HEXA: variants seen among roughly 807,000 people sequenced by gnomAD.
HEXA encodes the protein hexosaminidase subunit alpha.
A neutral mutation model predicts 73.3 loss-of-function variants in HEXA; 54 were observed. The observed-to-expected ratio is 0.74, with a 90% CI of 0.59 to 0.92. HEXA has a LOEUF of 0.92. Among genes scored for constraint, HEXA ranks in the 40% least tolerant of loss-of-function variants. The probability of loss-of-function intolerance (pLI) is 0.00; values close to 1 mark genes in which losing one functional copy is unlikely to be tolerated. For missense variants in HEXA, 649 were observed against 653.0 expected (o/e 0.99, Z 0.07); for synonymous variants, 230 against 246.9 (o/e 0.93, Z 0.64).
At chr15:72,370,967 T>C (rs2088983968) in intron 1 of HEXA, among the ~76,000 whole-genome samples, 2 of 152,252 alleles carry the variant, frequency 1.3e-5, no homozygotes. Flanking sequence ...TCCCGTGTTG[T>C]TTTCTTCCTC....
intron 1 of HEXA, chr15:72,370,697 T>TAA (rs371092265): frequency 3.2e-5 from 11 of 339,582 alleles, no homozygotes; most frequent in African/African-American, 1.4e-4. Flanking sequence ...ACCTGTTTCT[T>TAA]AAAAAAAAAA....
chr15:72,357,930 T>A (rs1306160282), intron 1 of HEXA: 1 of 152,200 alleles, frequency 6.6e-6, no homozygotes, highest in Non-Finnish European at 1.5e-5. Flanking sequence ...GCCTACATTC[T>A]GCAAAGAGGA....
Position 72,355,589 on chromosome 15 carries a change from G to A in HEXA, c.382C>T (p.Leu128Phe), listed in dbSNP as rs1386300819. The change falls in exon 3 of 14, where the codon CTC (leucine) becomes TTC (phenylalanine). Residue 128 changes from leucine to phenylalanine, a missense_variant. Coordinates refer to ENST00000268097, the MANE Select transcript of HEXA (RefSeq NM_000520.6). ...AGAGCTCCCCAGACAGTCTCAGAGA[G>A]GAGTAAACACTGGTCATCATTTATG... ...LTINDDQCLL[L>F]SETVWGALRG... is the part of the protein sequence containing the mutation. 1 of 1,610,970 alleles carries A rather than the reference G, an allele frequency of 6.2e-7. No individual in the cohort carries two copies. The highest frequency in any genetic ancestry group is 1.3e-5 in the African/African-American group (1 of 74,820).
chr15:72,376,003 T>C lies in HEXA; in HGVS notation c.-31A>G. The C allele has an allele frequency of 6.2e-7, 1 of 1,609,008 alleles. No individual in the cohort carries two copies. Among genetic ancestry groups the C allele is most frequent in the Non-Finnish European group, 8.5e-7 (1 of 1,179,896 alleles). The stretch of plus-strand genomic sequence containing the variant: ...GCTGGTCTCCCCTCTCGGAGGGGGC[T>C]GGCCACGTGAGACCCTGGTCAGGTG... On this transcript the variant is annotated 5_prime_UTR_variant, in exon 1 of 14. Coordinates refer to ENST00000268097, the MANE Select transcript of HEXA (RefSeq NM_000520.6).
intron 1 of HEXA, among the ~76,000 whole-genome samples, chr15:72,360,901 C>A (rs1489585096): frequency 6.6e-6 from 1 of 152,166 alleles, no homozygotes; most frequent in African/African-American, 2.4e-5. Context: ...GTGCTTAGCT[C>A]AGTGCCTGGT....
At chr15:72,370,697 T>TAAAAAAAAAAAAGA (rs371092265) in intron 1 of HEXA, 4,821 of 327,928 alleles carry the variant, frequency 0.015, no homozygotes, top group Middle Eastern at 0.02. Context: ...ACCTGTTTCT[T>TAAAAAAAAAAAAGA]AAAAAAAAAA....
chr15:72,362,084 C>T (rs1195447092), intron 1 of HEXA, among the ~76,000 whole-genome samples: 5 of 152,196 alleles, frequency 3.3e-5, no homozygotes, highest in African/African-American at 1.2e-4. Flanking sequence ...TTTTTCTGCT[C>T]CTGTGCAGGA....
intron 12 of HEXA, chr15:72,345,931 T>G (rs1363738558): frequency 1.9e-6 from 1 of 535,832 alleles, no homozygotes; most frequent in Non-Finnish European, 3.4e-6. Flanking sequence ...ATTACAGGAA[T>G]CATGGATGCT....
rs761861041 is a variant in HEXA at position 72,349,082 on chromosome 15, C to T, written c.983G>A (p.Cys328Tyr). ...HLGGDEVDFTCWKSNPEIQDF... is the reference protein window; with the variant it reads ...HLGGDEVDFTYWKSNPEIQDF... ...GGGAAGATCAAAGGGCTCATACCAG[C>T]AGGTGAAATCAACCTCATCTCCTCC... The change falls in exon 8 of 14, where the codon TGC (cysteine) becomes TAC (tyrosine). Residue 328 changes from cysteine (C) to tyrosine (Y), a missense_variant. Physicochemically the swap from Cys to Tyr is radical, Grantham distance 194. Coordinates refer to ENST00000268097, the MANE Select transcript of HEXA (RefSeq NM_000520.6). The T allele has an allele frequency of 1.2e-6, 2 of 1,613,290 alleles. No homozygotes were observed. The highest frequency in any genetic ancestry group is 1.7e-6 in the Non-Finnish European group (2 of 1,179,288).
At chr15:72,362,616 C>A in intron 1 of HEXA, 1 of 400,108 alleles carries the variant, frequency 2.5e-6, no homozygotes, top group Non-Finnish European at 5.0e-6. Flanking sequence ...CTGGGGTGGG[C>A]GATGCTAAGA....
In HEXA at chr15:72,353,755, G is replaced by A. The variant is rs1404499536; in HGVS notation, c.413-18C>T. 6.3e-7 allele frequency: 1 copy of A among 1,595,392 alleles called. No homozygotes were observed. Among genetic ancestry groups the A allele is most frequent in the Non-Finnish European group, 8.6e-7 (1 of 1,163,066 alleles). The stretch of plus-strand genomic sequence containing the variant: ...CTCCAGACCTAGGAAGATGTAGAGA[G>A]GCAGAGTAAAGACTCAGGGAGTGGA... On this transcript the variant is annotated intron_variant, in intron 3 of 13. Transcript: ENST00000268097.
At chr15:72,362,352 C>T in intron 1 of HEXA, 1 of 422,808 alleles carries the variant, frequency 2.4e-6, no homozygotes. Flanking sequence ...TTAAGATATG[C>T]TGTTTATTTG....
chr15:72,352,994 T>C (rs1338109890), intron 5 of HEXA, 74 bp downstream of exon 5: 3 of 900,176 alleles, frequency 3.3e-6, no homozygotes. Context: ...CTTTAAGAAT[T>C]TGGAACTTGG....
At chr15:72,358,116 C>A (rs1470149139) in intron 1 of HEXA, 1 of 152,212 alleles carries the variant, frequency 6.6e-6, no homozygotes, top group Non-Finnish European at 1.5e-5. Context: ...ACAGGAGACT[C>A]TACAGGGAGA....
chr15:72,355,982 G>A (rs1323066802), intron 2 of HEXA: 1 of 472,052 alleles, frequency 2.1e-6, no homozygotes, highest in Non-Finnish European at 4.2e-6. Flanking sequence ...GATGCCTGCA[G>A]GGGTGAGTGC....
chr15:72,345,767 C>A, intron 12 of HEXA: 1 of 632,960 alleles, frequency 1.6e-6, no homozygotes, highest in South Asian at 1.9e-5. Context: ...CAATCCCACT[C>A]TCTTCCTCTC....
intron 1 of HEXA, among the ~76,000 whole-genome samples, chr15:72,374,319 G>A (rs538227309): frequency 6.6e-6 from 1 of 152,142 alleles, no homozygotes; most frequent in Admixed American, 6.5e-5. Context: ...TTGTCATGAA[G>A]GATTCAGAGG....
chr15:72,345,069 G>T (rs936312158), intron 13 of HEXA, among the ~76,000 whole-genome samples: 6 of 152,116 alleles, frequency 3.9e-5, no homozygotes, highest in African/African-American at 1.4e-4. Flanking sequence ...TATCCACAGG[G>T]GATTTGTTTC....
At chr15:72,345,613 C>T in intron 12 of HEXA, 63 bp from the exon 13 acceptor site, 1 of 1,599,030 alleles carries the variant, frequency 6.3e-7, no homozygotes, top group Non-Finnish European at 8.5e-7. Flanking sequence ...GCTGGACATC[C>T]ACAGGCTGCT....
Sources: gnomAD v4.1 joint callset for allele counts (sites outside exome capture counted in the v4.1 genomes callset) on GRCh38, gnomAD v4.1.1 for gene constraint, MANE v1.5 for transcripts, NCBI Gene and HGNC (gene_info 2026-07-23, HGNC 2026-07-21) for gene names.